PRRC2B: variants seen among roughly 807,000 people sequenced by gnomAD.
PRRC2B encodes the protein proline rich coiled-coil 2B.
Under a neutral mutation model 242.3 loss-of-function variants are expected in PRRC2B, and 68 were observed. That is an observed-to-expected ratio of 0.28 (90% CI 0.23 to 0.34). PRRC2B has a LOEUF of 0.34. PRRC2B is among the 10% of genes least tolerant of loss of function. The probability of loss-of-function intolerance (pLI) is 1.00; values close to 1 mark genes in which losing one functional copy is unlikely to be tolerated. For synonymous variants in PRRC2B, 1,228 were observed against 1,173.6 expected, an observed-to-expected ratio of 1.05 and a Z score of -0.95; for missense variants, 2,835 against 2,954.8, an observed-to-expected ratio of 0.96 and a Z score of 0.94.
upstream of PRRC2B, among the ~76,000 whole-genome samples, chr9:131,393,506 T>C (rs1836941199): frequency 6.6e-6 from 1 of 152,208 alleles, no homozygotes; most frequent in African/African-American, 2.4e-5. Flanking sequence ...TTTGTAAAAA[T>C]GGGACAAAGT....
Position 131,475,467 on chromosome 9 carries a change from G to C in PRRC2B, c.3338G>C (p.Arg1113Pro), listed in dbSNP as rs758149671. Residue 1113 changes from arginine to proline, a missense_variant, in exon 16 of 32, where the codon CGA becomes CCA. Transcript: ENST00000683519. ...SQRSGRGRGL[R>P]EFARPEDCPR... is the part of the protein sequence containing the mutation. ...CGCAGCGGCCGTGGCCGGGGCCTGC[G>C]AGAGTTTGCGCGGCCAGAGGACTGC... 1 of 1,588,970 alleles carries C rather than the reference G, an allele frequency of 6.3e-7. No individual in the cohort carries two copies. Among genetic ancestry groups the C allele is most frequent in the Non-Finnish European group, 8.6e-7 (1 of 1,167,230 alleles).
chr9:131,420,398 G>A (rs1182849526), intron 1 of PRRC2B, among the ~76,000 whole-genome samples: 3 of 151,114 alleles, frequency 2.0e-5, no homozygotes, highest in South Asian at 2.1e-4. Flanking sequence ...AAATGTGGGC[G>A]CTTTAGGGCT....
intron 9 of PRRC2B, among the ~76,000 whole-genome samples, chr9:131,448,543 C>CCAAAAAAAAAA (rs1838883733): frequency 2.5e-5 from 1 of 39,874 alleles, no homozygotes; most frequent in African/African-American, 8.3e-5. Context: ...GACACTGTCT[C>CCAAAAAAAAAA]AAAAAAAAAA....
At chr9:131,449,141 C>A (rs900302622) in intron 9 of PRRC2B, among the ~76,000 whole-genome samples, 1 of 152,162 alleles carries the variant, frequency 6.6e-6, no homozygotes, top group African/African-American at 2.4e-5. Flanking sequence ...TCCAGTGCAT[C>A]AATATACTGT....
Position 131,496,510 on chromosome 9 carries a change from T to A in PRRC2B, c.*636T>A, listed in dbSNP as rs1190524880. On this transcript the variant is annotated 3_prime_UTR_variant, in exon 32 of 32. Coordinates refer to ENST00000683519, the MANE Select transcript of PRRC2B (RefSeq NM_013318.4). ...CCTGATTCCTCAGCTGGTTCACCCT[T>A]GAGGTTATTTGCAAAAAGAAAAGGA... 6.6e-6 allele frequency: 1 copy of A among 151,962 alleles called. No homozygotes were observed. The highest frequency in any genetic ancestry group is 2.4e-5 in the African/African-American group (1 of 41,366). 9.4% of individuals were successfully genotyped at this position (151,962 alleles called of 1,614,324 possible).
chr9:131,444,476 TCCATTGGACTTGCTGCCTAGG>T, intron 6 of PRRC2B, 148 bp downstream of exon 6: 2 of 890,212 alleles, frequency 2.2e-6, no homozygotes, highest in South Asian at 3.5e-5. Context: ...GATCTGTGCA[TCCATTGGACTTGCTGCCTAGG>T]CCATTGGATT....
intron 1 of PRRC2B, among the ~76,000 whole-genome samples, chr9:131,404,411 G>A (rs1036387947): frequency 6.6e-6 from 1 of 151,902 alleles, no homozygotes; most frequent in Non-Finnish European, 1.5e-5. Context: ...TAATAAAGAC[G>A]AGATTTCACT....
chr9:131,430,964 T>G (rs1838147102), intron 2 of PRRC2B, among the ~76,000 whole-genome samples: 1 of 151,596 alleles, frequency 6.6e-6, no homozygotes. Context: ...TTTTTTTTTT[T>G]TTTGAGACAC....
At chr9:131,402,974 T>TCATCTCTTTGTATAGAAC (rs1353485984) in intron 1 of PRRC2B, among the ~76,000 whole-genome samples, 4 of 152,224 alleles carry the variant, frequency 2.6e-5, no homozygotes, top group African/African-American at 9.6e-5. Context: ...CGCTTCAGGA[T>TCATCTCTTTGTATAGAAC]CATCTCTTTG....
Position 131,482,270 on chromosome 9 carries a change from A to G in PRRC2B, c.4984-101A>G, listed in dbSNP as rs377142157. 368 of 1,305,586 alleles carry G rather than the reference A, an allele frequency of 2.8e-4. 2 individuals are homozygous for G. The African/African-American group carries it at 4.2e-3, about 15-fold the overall frequency. The allele number at this position is 1,305,586 out of a possible 1,614,324, so 80.9% of individuals were successfully genotyped here. On this transcript the variant is annotated intron_variant, in intron 20 of 31. Transcript: ENST00000683519. The surrounding 1 kb of genome is among the most constrained non-coding windows in gnomAD (Gnocchi z 5.2). ...ATCAGGACCAGACTTGGCAAGGGAC[A>G]GGCAGCTGGGGTAGAAAAGTCTCTG...
At chr9:131,481,097 C>T (rs1392549351) in intron 19 of PRRC2B, among the ~76,000 whole-genome samples, 6 of 151,600 alleles carry the variant, frequency 4.0e-5, no homozygotes, top group African/African-American at 1.5e-4. Context: ...GTCAGGAGAT[C>T]GAGACCATCC....
intron 14 of PRRC2B, among the ~76,000 whole-genome samples, chr9:131,471,526 G>A (rs936758329): frequency 6.6e-6 from 1 of 152,210 alleles, no homozygotes; most frequent in Non-Finnish European, 1.5e-5. Context: ...GTGTGATACA[G>A]ACCAGGGGTC....
At chr9:131,448,176 C>T (rs577720540) in intron 9 of PRRC2B, 1 of 164,362 alleles carries the variant, frequency 6.1e-6, no homozygotes, top group African/African-American at 2.4e-5. Context: ...TAATTTTTTT[C>T]CAAGAGACAG....
chr9:131,415,630 G>A (rs1204112191), intron 1 of PRRC2B, among the ~76,000 whole-genome samples: 3 of 152,230 alleles, frequency 2.0e-5, no homozygotes, highest in African/African-American at 7.2e-5. Context: ...GGTCAGCTGA[G>A]TATTGGATTC....
At chr9:131,495,398 A>G (rs1235849620) in intron 31 of PRRC2B, among the ~76,000 whole-genome samples, 1 of 152,172 alleles carries the variant, frequency 6.6e-6, no homozygotes, top group Non-Finnish European at 1.5e-5. Flanking sequence ...CCTGTGGGGC[A>G]GGAGGTGCAC....
Position 131,483,342 on chromosome 9 carries a change from CTTT to C in PRRC2B, c.5374-13_5374-11del, listed in dbSNP as rs749507058. ...GGAGGATCTCAGTGGGCTGTGTGGCCTTTTTTATTTTTTCAGGACTCCGATTTC... is the reference window on the plus strand; with the variant it reads ...GGAGGATCTCAGTGGGCTGTGTGGCCTTTATTTTTTCAGGACTCCGATTTC... On this transcript the variant is annotated splice_polypyrimidine_tract_variant and intron_variant, in intron 22 of 31. Coordinates refer to ENST00000683519, the MANE Select transcript of PRRC2B (RefSeq NM_013318.4). 15 of 1,612,728 alleles carry C rather than the reference CTTT, an allele frequency of 9.3e-6. No individual in the cohort carries two copies. The highest frequency in any genetic ancestry group is 1.7e-5 in the Admixed American group (1 of 60,012).
At chr9:131,416,367 A>C (rs982343284) in intron 1 of PRRC2B, among the ~76,000 whole-genome samples, 1 of 152,246 alleles carries the variant, frequency 6.6e-6, no homozygotes, top group South Asian at 2.1e-4. Context: ...CGGCCTCCCA[A>C]AGTGTTGGGA....
chr9:131,494,413 C>T lies in PRRC2B; in HGVS notation c.6482C>T (p.Ser2161Phe). ...VPSPQTYRPSSASPSGKPSGS... is the reference protein window; with the variant it reads ...VPSPQTYRPSFASPSGKPSGS... The stretch of plus-strand genomic sequence containing the variant: ...GCCTTTGGTTTTTTCAGGCCTAGCT[C>T]TGCTAGCCCCAGTGGGAAGCCCTCT... Residue 2161 changes from serine to phenylalanine, a missense_variant, in exon 31 of 32, where the codon TCT (serine) becomes TTT (phenylalanine). Ser to Phe is a radical substitution (Grantham distance 155). Transcript: ENST00000683519. The surrounding 1 kb of genome is among the most constrained non-coding windows in gnomAD (Gnocchi z 4.3). 1.9e-6 allele frequency: 3 copies of T among 1,593,128 alleles called. No individual in the cohort carries two copies. Among genetic ancestry groups the T allele is most frequent in the Non-Finnish European group, 1.7e-6 (2 of 1,166,622 alleles).
At chr9:131,383,712 C>T (rs1836791654) in intron 1 of PRRC2B, among the ~76,000 whole-genome samples, 1 of 149,952 alleles carries the variant, frequency 6.7e-6, no homozygotes, top group South Asian at 2.1e-4. Context: ...ACCTCCGCCT[C>T]ATGGGTTCAA....
Sources: allele counts gnomAD v4.1 joint callset (sites outside exome capture counted in the v4.1 genomes callset), GRCh38; gene constraint gnomAD v4.1.1; non-coding constraint Gnocchi (gnomAD v3.1); transcripts MANE v1.5; gene names NCBI Gene and HGNC (gene_info 2026-07-23, HGNC 2026-07-21).